Variants in MARCHF3 observed in about 807,000 individuals in gnomAD.
MARCHF3 encodes the protein membrane associated ring-CH-type finger 3, also known as E3 ubiquitin-protein ligase MARCHF3.
MARCHF3 carries 13 observed loss-of-function variants against 24.2 expected under a neutral mutation model. That is an observed-to-expected ratio of 0.54 (90% CI 0.35 to 0.85). MARCHF3 has a LOEUF of 0.85. MARCHF3 is among the 40% of genes least tolerant of loss of function. MARCHF3 has a pLI of 0.01. For synonymous variants in MARCHF3, 144 were observed against 137.3 expected (o/e 1.05, Z -0.34); for missense variants, 276 against 325.0 (o/e 0.85, Z 1.16).
intron 3 of MARCHF3, among the ~76,000 whole-genome samples, chr5:126,878,809 C>G (rs750868394): frequency 7.2e-5 from 11 of 152,128 alleles, no homozygotes; most frequent in Non-Finnish European, 1.5e-4. Context: ...TTGCTCAAGC[C>G]CCGCACATTC....
chr5:126,950,298 A>G (rs1391706749), intron 1 of MARCHF3, among the ~76,000 whole-genome samples: 1 of 152,216 alleles, frequency 6.6e-6, no homozygotes, highest in Admixed American at 6.5e-5. Flanking sequence ...TCATGACCAC[A>G]GACTCAGTGA....
intron 1 of MARCHF3, among the ~76,000 whole-genome samples, chr5:126,922,812 C>T (rs1749165312): frequency 6.6e-6 from 1 of 152,164 alleles, no homozygotes; most frequent in Admixed American, 6.5e-5. Flanking sequence ...TCCCAAAGTG[C>T]TGGGATTACA....
At chr5:126,984,843 T>C (rs957447760) in intron 1 of MARCHF3, among the ~76,000 whole-genome samples, 4 of 152,190 alleles carry the variant, frequency 2.6e-5, no homozygotes, top group African/African-American at 9.7e-5. Flanking sequence ...AGTGGAATAA[T>C]ATGAGGTCTG....
intron 1 of MARCHF3, among the ~76,000 whole-genome samples, chr5:126,984,315 G>A (rs1751490087): frequency 6.6e-6 from 1 of 152,184 alleles, no homozygotes; most frequent in Admixed American, 6.5e-5. Context: ...AAGGTACTTA[G>A]GAAATAAGCA....
At chr5:127,011,227 T>C (rs1752460842) in intron 1 of MARCHF3, among the ~76,000 whole-genome samples, 1 of 152,158 alleles carries the variant, frequency 6.6e-6, no homozygotes, top group Non-Finnish European at 1.5e-5. Context: ...AATAAAACTA[T>C]CCACTCGGTA....
chr5:126,920,713 C>A (rs1749080291), intron 1 of MARCHF3, among the ~76,000 whole-genome samples: 2 of 152,060 alleles, frequency 1.3e-5, no homozygotes, highest in Admixed American at 1.3e-4. Context: ...CATATAATAG[C>A]CCCAAGTTCA....
At position 126,878,205 on chromosome 5, in the gene MARCHF3, T is replaced by C. The variant is rs1198794407; in HGVS notation, c.583A>G (p.Ile195Val). ...CTTACTAGTGTCCAAAAGAGGTAAATAGTGAAGAGTGCGACAGTGAGTGCA... is the reference window on the plus strand; with the variant it reads ...CTTACTAGTGTCCAAAAGAGGTAAACAGTGAAGAGTGCGACAGTGAGTGCA... ...LIALTVALFT[I>V]YLFWTLVSFR... Residue 195 changes from isoleucine to valine, a missense_variant, in exon 4 of 5, where the codon ATT (isoleucine) becomes GTT (valine). Transcript: ENST00000308660. The C allele has an allele frequency of 1.9e-6, 3 of 1,614,082 alleles. No individual in the cohort carries two copies. Among genetic ancestry groups the C allele is most frequent in the South Asian group, 1.1e-5 (1 of 91,068 alleles).
intron 4 of MARCHF3, among the ~76,000 whole-genome samples, chr5:126,872,580 A>G (rs1052482654): frequency 6.6e-6 from 1 of 151,896 alleles, no homozygotes; most frequent in Non-Finnish European, 1.5e-5. Context: ...GATCCCACTA[A>G]AGGTCTATGG....
chr5:127,008,633 T>C (rs1466835066), intron 1 of MARCHF3, among the ~76,000 whole-genome samples: 1 of 152,198 alleles, frequency 6.6e-6, no homozygotes, highest in East Asian at 1.9e-4. Flanking sequence ...CTGTGTTCTA[T>C]TATGTGGAAG....
chr5:126,879,718 A>T (rs570926942), intron 3 of MARCHF3, among the ~76,000 whole-genome samples: 1 of 152,340 alleles, frequency 6.6e-6, no homozygotes, highest in South Asian at 2.1e-4. Context: ...ATTAGCATTG[A>T]AACACTCTAC....
chr5:126,983,759 G>A (rs904418857), intron 1 of MARCHF3, among the ~76,000 whole-genome samples: 3 of 152,134 alleles, frequency 2.0e-5, no homozygotes, highest in Admixed American at 6.5e-5. Context: ...CAGAAGGAGC[G>A]CAGGATGCAA....
chr5:126,923,277 C>G (rs754197564), intron 1 of MARCHF3, among the ~76,000 whole-genome samples: 29 of 152,238 alleles, frequency 1.9e-4, no homozygotes, highest in Non-Finnish European at 3.5e-4. Context: ...GATAAATACA[C>G]TAGAAAATAA....
chr5:127,007,829 C>A (rs550709911), intron 1 of MARCHF3, among the ~76,000 whole-genome samples: 1 of 151,960 alleles, frequency 6.6e-6, no homozygotes, highest in Admixed American at 6.6e-5. Flanking sequence ...TTGCTGAGGG[C>A]TAGTATATTT....
At chr5:126,878,880 T>C (rs976851323) in intron 3 of MARCHF3, among the ~76,000 whole-genome samples, 1 of 152,170 alleles carries the variant, frequency 6.6e-6, no homozygotes, top group Non-Finnish European at 1.5e-5. Flanking sequence ...GAGCTCTGAG[T>C]CCTAGTAACA....
At chr5:126,921,442 T>C (rs1316994126) in intron 1 of MARCHF3, among the ~76,000 whole-genome samples, 1 of 152,136 alleles carries the variant, frequency 6.6e-6, no homozygotes, top group Non-Finnish European at 1.5e-5. Flanking sequence ...ACAAGCTGCA[T>C]GCACCAACTG....
At chr5:126,922,047 C>T (rs1000378894) in intron 1 of MARCHF3, among the ~76,000 whole-genome samples, 2 of 152,202 alleles carry the variant, frequency 1.3e-5, no homozygotes, top group African/African-American at 2.4e-5. Context: ...TTCATTGCTG[C>T]GTTTCTGAAT....
intron 3 of MARCHF3, among the ~76,000 whole-genome samples, chr5:126,901,436 A>G (rs961503269): frequency 2.0e-5 from 3 of 152,106 alleles, no homozygotes; most frequent in Non-Finnish European, 4.4e-5. Flanking sequence ...CTTTGCACAA[A>G]CAGGCATAGC....
intron 3 of MARCHF3, among the ~76,000 whole-genome samples, chr5:126,906,754 C>T (rs920393710): frequency 2.0e-5 from 3 of 151,892 alleles, no homozygotes; most frequent in African/African-American, 7.3e-5. Context: ...CTTGTTGATC[C>T]TTTCAAAAAA....
intron 1 of MARCHF3, among the ~76,000 whole-genome samples, chr5:126,955,059 C>T (rs1377957669): frequency 2.0e-5 from 3 of 152,166 alleles, no homozygotes; most frequent in Admixed American, 6.5e-5. Flanking sequence ...GTTCGCCCAA[C>T]GCTGTTTCTG....
Sources: gnomAD v4.1 joint callset for allele counts (sites outside exome capture counted in the v4.1 genomes callset) on GRCh38, gnomAD v4.1.1 for gene constraint, MANE v1.5 for transcripts, NCBI Gene and HGNC (gene_info 2026-07-23, HGNC 2026-07-21) for gene names.